NMT2: variants seen among roughly 807,000 people sequenced by gnomAD.
The protein encoded by NMT2 is N-myristoyltransferase 2.
Under a neutral mutation model 65.4 loss-of-function variants are expected in NMT2, and 35 were observed. That is an observed-to-expected ratio of 0.54 (90% CI 0.41 to 0.71). The LOEUF (loss-of-function observed/expected upper bound fraction) is 0.71, where lower values mean the gene tolerates loss of function less well. NMT2 is among the 30% of genes least tolerant of loss of function. NMT2 has a pLI of 0.00. For missense variants in NMT2, 489 were observed against 611.3 expected (o/e 0.80, Z 2.11); for synonymous variants, 226 against 231.8 (o/e 0.98, Z 0.23).
rs746257570 is a variant in NMT2, at chr10:15,130,132, G to C, written c.890+10C>G. 2.0e-6 allele frequency: 3 copies of C among 1,486,430 alleles called. No homozygotes were observed. The highest frequency in any genetic ancestry group is 2.7e-6 in the Non-Finnish European group (3 of 1,112,220). 92.1% of individuals were successfully genotyped at this position (1,486,430 alleles called of 1,614,324 possible). On this transcript the variant is annotated intron_variant, in intron 7 of 11. Coordinates refer to ENST00000378165, the MANE Select transcript of NMT2 (RefSeq NM_004808.3). ...AGGGAGGACCTGAGGTAGAAATATG[G>C]TACTGGTACCTGCATGTGGCTATGG...
Position 15,165,875 on chromosome 10 carries a change from CAA to C in NMT2, c.110+2626_110+2627del, listed in dbSNP as rs34031754. Among the ~76,000 whole-genome samples the C allele has an allele frequency of 6.6e-3, 622 of 94,834 alleles. 3 individuals carry two copies. Among genetic ancestry groups the C allele is most frequent in the African/African-American group, 0.018 (565 of 31,950 alleles). 62.2% of individuals were successfully genotyped at this position (94,834 alleles called of 152,430 possible). Reference sequence around the variant, plus strand: ...CCTGGGTGACAGAGAAAGACTGTCTCAAAAAAAAAAAAAAAAGGTACATTTTC... The same window carrying C: ...CCTGGGTGACAGAGAAAGACTGTCTCAAAAAAAAAAAAAAGGTACATTTTC... On this transcript the variant is annotated intron_variant, in intron 1 of 11. Coordinates refer to ENST00000378165, the MANE Select transcript of NMT2 (RefSeq NM_004808.3).
At chr10:15,134,424 G>C (rs577176933) in intron 3 of NMT2, among the ~76,000 whole-genome samples, 1 of 152,146 alleles carries the variant, frequency 6.6e-6, no homozygotes, top group Non-Finnish European at 1.5e-5. Context: ...CTCAAGGGAC[G>C]GGCCCCTTGG....
intron 9 of NMT2, 61 bp downstream of exon 9, chr10:15,119,282 T>C: frequency 6.8e-7 from 1 of 1,467,186 alleles, no homozygotes; most frequent in Non-Finnish European, 9.5e-7. Flanking sequence ...ATAATTCTGC[T>C]GCACGCTGAA....
At chr10:15,129,675 A>G (rs1200334985) in intron 7 of NMT2, among the ~76,000 whole-genome samples, 1 of 152,128 alleles carries the variant, frequency 6.6e-6, no homozygotes, top group Non-Finnish European at 1.5e-5. Flanking sequence ...GAATAGACTT[A>G]GAAGTATAGA....
At position 15,106,917 on chromosome 10, in the gene NMT2, A is replaced by T. The variant is rs1845323562; in HGVS notation, c.*2278T>A. On this transcript the variant is annotated 3_prime_UTR_variant, in exon 12 of 12. Coordinates refer to ENST00000378165, the MANE Select transcript of NMT2 (RefSeq NM_004808.3). ...GGAGTTAAAGACCAGCACGGGAAAC[A>T]TAGCAAGACCTTGTCTCTACAAAAA... Among the ~76,000 whole-genome samples, 1 of 152,210 alleles carries T rather than the reference A, an allele frequency of 6.6e-6. No homozygotes were observed. Among genetic ancestry groups the T allele is most frequent in the Non-Finnish European group, 1.5e-5 (1 of 68,040 alleles).
rs746361653 is a variant in NMT2 at position 15,109,160 on chromosome 10, GATGATGTC to G, written c.*27_*34del. The G allele has an allele frequency of 1.3e-6, 2 of 1,599,324 alleles. No homozygotes were observed. Among genetic ancestry groups the G allele is most frequent in the Non-Finnish European group, 1.7e-6 (2 of 1,175,764 alleles). On this transcript the variant is annotated 3_prime_UTR_variant, in exon 12 of 12. Coordinates refer to ENST00000378165, the MANE Select transcript of NMT2 (RefSeq NM_004808.3). ...CAGAAATCATTAAATATTAACAAAT[GATGATGTC>G]AGAGTTCTAGAAATAAAAATATCCA...
intron 9 of NMT2, among the ~76,000 whole-genome samples, chr10:15,114,411 C>T (rs1472746840): frequency 1.3e-5 from 2 of 151,876 alleles, no homozygotes; most frequent in African/African-American, 2.4e-5. Flanking sequence ...TTCCATTGTC[C>T]CTCACACCCA....
At chr10:15,144,587 T>C (rs965265219) in intron 1 of NMT2, among the ~76,000 whole-genome samples, 9 of 152,104 alleles carry the variant, frequency 5.9e-5, no homozygotes, top group South Asian at 4.1e-4. Flanking sequence ...AAAAATTTGC[T>C]GGGCGTGGTG....
At chr10:15,114,064 C>T (rs1003967474) in intron 9 of NMT2, among the ~76,000 whole-genome samples, 2 of 152,116 alleles carry the variant, frequency 1.3e-5, no homozygotes, top group South Asian at 4.1e-4. Context: ...CAAAGGCTTC[C>T]GAGTCATTAG....
chr10:15,151,653 CAG>C (rs1332968769), intron 1 of NMT2, among the ~76,000 whole-genome samples: 1 of 152,200 alleles, frequency 6.6e-6, no homozygotes, highest in Non-Finnish European at 1.5e-5. Flanking sequence ...GACAGACAAA[CAG>C]GGACAGATCC....
chr10:15,143,067 C>T (rs963111809), intron 1 of NMT2, among the ~76,000 whole-genome samples: 2 of 152,144 alleles, frequency 1.3e-5, no homozygotes, highest in East Asian at 1.9e-4. Context: ...CACACCAGTA[C>T]ATACTAATAC....
In NMT2 at chr10:15,127,568, A is replaced by T. The variant is rs1250339830; in HGVS notation, c.999+782T>A. 4.4e-4 allele frequency among the ~76,000 whole-genome samples: 33 copies of T among 74,756 alleles called. 2 individuals are homozygous for T. Among genetic ancestry groups the T allele is most frequent in the Admixed American group, 1.3e-3 (9 of 6,940 alleles). 49.0% of individuals were successfully genotyped at this position (74,756 alleles called of 152,430 possible). A position where few individuals can be genotyped will look rare whatever the true frequency, so the allele number is the denominator to read the frequency against. The stretch of plus-strand genomic sequence containing the variant: ...TCTCAAAAAAAAAAAAAAAAAAAAA[A>T]AATAAATAAATAAATAAATAAATAA... On this transcript the variant is annotated intron_variant, in intron 8 of 11. Transcript: ENST00000378165.
chr10:15,130,983 T>C (rs150851404), intron 6 of NMT2, among the ~76,000 whole-genome samples: 2 of 151,932 alleles, frequency 1.3e-5, no homozygotes, highest in East Asian at 3.9e-4. Context: ...AAAGACAGGG[T>C]TTCACCATGT....
At chr10:15,157,968 T>C (rs959447685) in intron 1 of NMT2, among the ~76,000 whole-genome samples, 6 of 152,154 alleles carry the variant, frequency 3.9e-5, no homozygotes, top group African/African-American at 1.2e-4. Context: ...GATAACTTAT[T>C]AAAACTGATA....
intron 10 of NMT2, among the ~76,000 whole-genome samples, chr10:15,112,094 T>C (rs1026553031): frequency 2.1e-5 from 3 of 145,544 alleles, no homozygotes; most frequent in Non-Finnish European, 4.5e-5. Flanking sequence ...AATAAAAAAA[T>C]TGCTGCTAGT....
At chr10:15,109,488 T>G (rs1845432964) in intron 11 of NMT2, among the ~76,000 whole-genome samples, 1 of 152,044 alleles carries the variant, frequency 6.6e-6, no homozygotes, top group Admixed American at 6.6e-5. Flanking sequence ...GGAGAATCAC[T>G]TGAACCTGGG....
At chr10:15,129,912 A>C (rs1846216580) in intron 7 of NMT2, among the ~76,000 whole-genome samples, 1 of 151,102 alleles carries the variant, frequency 6.6e-6, no homozygotes. Context: ...TGCCTCAAAA[A>C]AAAAAAAAAA....
chr10:15,149,122 T>C (rs201895517), intron 1 of NMT2, among the ~76,000 whole-genome samples: 1 of 150,784 alleles, frequency 6.6e-6, no homozygotes, highest in Non-Finnish European at 1.5e-5. Flanking sequence ...ATTATCATCA[T>C]CACCACCATC....
At position 15,108,427 on chromosome 10, in the gene NMT2, T is replaced by C. The variant is rs549619941; in HGVS notation, c.*768A>G. On this transcript the variant is annotated 3_prime_UTR_variant, in exon 12 of 12. Coordinates refer to ENST00000378165, the MANE Select transcript of NMT2 (RefSeq NM_004808.3). ...GTCTCGATCTCCTGACCTCATGATCTGCCCACCTTGGCCTCCCAAAGTGCT... is the reference window on the plus strand; with the variant it reads ...GTCTCGATCTCCTGACCTCATGATCCGCCCACCTTGGCCTCCCAAAGTGCT... 108 of 756,930 alleles carry C rather than the reference T, an allele frequency of 1.4e-4. No individual in the cohort carries two copies. Among genetic ancestry groups the C allele is most frequent in the Non-Finnish European group, 1.7e-4 (104 of 621,754 alleles). 46.9% of individuals were successfully genotyped at this position (756,930 alleles called of 1,614,324 possible).
Sources: gnomAD v4.1 joint callset for allele counts (sites outside exome capture counted in the v4.1 genomes callset) on GRCh38, gnomAD v4.1.1 for gene constraint, MANE v1.5 for transcripts, NCBI Gene and HGNC (gene_info 2026-07-23, HGNC 2026-07-21) for gene names.